Variants in CCDC61 observed in about 807,000 individuals in gnomAD.
The protein encoded by CCDC61 is centrosomal protein CCDC61.
Under a neutral mutation model 63.0 loss-of-function variants are expected in CCDC61, and 55 were observed. The ratio of observed to expected loss-of-function variants is 0.87; its 90% CI spans 0.70 to 1.09. CCDC61 has a LOEUF of 1.09. Among genes scored for constraint, CCDC61 ranks in the 50% least tolerant of loss-of-function variants. CCDC61 has a pLI of 0.00. For missense variants in CCDC61, 651 were observed against 731.4 expected (o/e 0.89, Z 1.27); for synonymous variants, 270 against 317.0 (o/e 0.85, Z 1.58).
chr19:46,005,129 G>C (rs1317991045), intron 3 of CCDC61, among the ~76,000 whole-genome samples: 8 of 152,054 alleles, frequency 5.3e-5, no homozygotes, highest in South Asian at 2.1e-4. Flanking sequence ...TCCTATTTCA[G>C]CCTCCCGAGT....
At chr19:46,001,807 T>C (rs1307050477) in intron 1 of CCDC61, among the ~76,000 whole-genome samples, 1 of 152,236 alleles carries the variant, frequency 6.6e-6, no homozygotes, top group Non-Finnish European at 1.5e-5. Context: ...GTTTTGGGAC[T>C]ATTCATTTAT....
chr19:46,000,797 C>T (rs1362156546), intron 1 of CCDC61, among the ~76,000 whole-genome samples: 1 of 150,230 alleles, frequency 6.7e-6, no homozygotes, highest in African/African-American at 2.5e-5. Flanking sequence ...TATTCGGTGG[C>T]TCAGTGTCTG....
intron 5 of CCDC61, among the ~76,000 whole-genome samples, chr19:46,014,390 C>CT (rs1968884772): frequency 6.6e-6 from 1 of 152,324 alleles, no homozygotes; most frequent in Non-Finnish European, 1.5e-5. Context: ...TCTGAACATA[C>CT]TGTCTGCACC....
At chr19:46,010,787 C>A (rs1290072839) in intron 5 of CCDC61, among the ~76,000 whole-genome samples, 1 of 152,218 alleles carries the variant, frequency 6.6e-6, no homozygotes, top group Non-Finnish European at 1.5e-5. Context: ...ACTGCCACCC[C>A]CTGCCCTGTA....
intron 1 of CCDC61, among the ~76,000 whole-genome samples, chr19:46,002,083 A>G (rs1389325069): frequency 1.3e-5 from 2 of 152,198 alleles, no homozygotes; most frequent in East Asian, 3.9e-4. Flanking sequence ...AGCTGGGATT[A>G]CAGGCACGGG....
At chr19:46,012,837 TTGC>T (rs1968854039) in intron 5 of CCDC61, among the ~76,000 whole-genome samples, 1 of 148,838 alleles carries the variant, frequency 6.7e-6, no homozygotes. Flanking sequence ...GTATCTCTTT[TTGC>T]ACTTAATTTA....
chr19:45,999,994 C>G (rs984478949), intron 1 of CCDC61: 1 of 983,522 alleles, frequency 1.0e-6, no homozygotes, highest in East Asian at 1.1e-4. Flanking sequence ...AGGCTCAGGA[C>G]TGGAATGAAA....
At position 46,016,781 on chromosome 19, in the gene CCDC61, C is replaced by A; in HGVS notation, c.1179C>A (p.Ala393=). 1 of 1,553,062 alleles carries A rather than the reference C, an allele frequency of 6.4e-7. No individual in the cohort carries two copies. Among genetic ancestry groups the A allele is most frequent in the East Asian group, 2.4e-5 (1 of 41,992 alleles). ...CTCGCCAGACCCAGCCCCCTGCTGC[C>A]TTGACTGGCCGAGGGGACGCCCCTA... is the stretch of plus-strand genomic sequence containing the variant. ...SWSRQTQPPA[A]LTGRGDAPNR... The change falls in exon 10 of 14, where the codon GCC becomes GCA. Residue 393 remains alanine (A), a synonymous_variant. Transcript: ENST00000595358. The surrounding 1 kb of genome is among the most constrained non-coding windows in gnomAD (Gnocchi z 7.2).
At chr19:46,009,814 GTA>G (rs1426508353) in intron 5 of CCDC61, among the ~76,000 whole-genome samples, 5 of 80,008 alleles carry the variant, frequency 6.2e-5, no homozygotes, top group Admixed American at 4.1e-4. Context: ...GTGTGTGTGT[GTA>G]TGTGTGTGTG....
At chr19:46,003,971 C>T (rs1476172212) in intron 3 of CCDC61, among the ~76,000 whole-genome samples, 1 of 151,878 alleles carries the variant, frequency 6.6e-6, no homozygotes, top group Non-Finnish European at 1.5e-5. Context: ...TGGAGTCTCG[C>T]TCTGTCGCCC....
intron 3 of CCDC61, among the ~76,000 whole-genome samples, chr19:46,004,189 C>T (rs559145184): frequency 6.6e-4 from 101 of 152,224 alleles, no homozygotes; most frequent in Middle Eastern, 6.8e-3. Context: ...ATCCACCCGC[C>T]TCTGCCTCCC....
At chr19:46,004,556 C>CT (rs1396490857) in intron 3 of CCDC61, among the ~76,000 whole-genome samples, 2 of 152,114 alleles carry the variant, frequency 1.3e-5, no homozygotes, top group African/African-American at 4.8e-5. Context: ...TCTCTGCCTC[C>CT]TGGGTTCAAG....
rs1406620131 is a variant in CCDC61, at chr19:46,015,433, A to G, written c.845+6A>G. On this transcript the variant is annotated splice_donor_region_variant and intron_variant, in intron 7 of 13. Coordinates refer to ENST00000595358, the MANE Select transcript of CCDC61 (RefSeq NM_001267723.2). The surrounding 1 kb of genome is among the most constrained non-coding windows in gnomAD (Gnocchi z 5.3). ...CTGGCATTGTACAAGAGGGGGTGAG[A>G]GCGAGGCCTGCCAGGCGCCTGGGCG... 4 of 1,579,018 alleles carry G rather than the reference A, an allele frequency of 2.5e-6. No individual in the cohort carries two copies. Among genetic ancestry groups the G allele is most frequent in the South Asian group, 1.1e-5 (1 of 89,980 alleles).
Position 46,016,774 on chromosome 19 carries a change from C to T in CCDC61, c.1172C>T (p.Pro391Leu), listed in dbSNP as rs1400795724. The T allele has an allele frequency of 7.0e-6, 11 of 1,562,160 alleles. No homozygotes were observed. Among genetic ancestry groups the T allele is most frequent in the African/African-American group, 4.1e-5 (3 of 73,632 alleles). ...SVSWSRQTQP[P>L]AALTGRGDAP... ...TCCTGGTCTCGCCAGACCCAGCCCC[C>T]TGCTGCCTTGACTGGCCGAGGGGAC... Residue 391 changes from proline to leucine, a missense_variant, in exon 10 of 14, where the codon CCT becomes CTT. Pro to Leu is a moderately conservative substitution (Grantham distance 98). Transcript: ENST00000595358. This position sits in a 1 kb window ranked among gnomAD's most constrained non-coding sequence, Gnocchi z 7.2.
intron 3 of CCDC61, 79 bp from the exon 4 acceptor site, chr19:46,006,480 G>A: frequency 2.9e-6 from 4 of 1,357,750 alleles, no homozygotes; most frequent in South Asian, 1.6e-5. Flanking sequence ...GGGAAGGGCT[G>A]TGGCCCAGGT....
rs1968930372 is a variant in CCDC61, at chr19:46,016,204, C to CCCCTCG, written c.1006_1011dup (p.Ser336_Pro337dup). The CCCCTCG allele has an allele frequency of 3.5e-6, 5 of 1,422,258 alleles. No homozygotes were observed. Among genetic ancestry groups the CCCCTCG allele is most frequent in the Admixed American group, 3.1e-5 (1 of 32,350 alleles). The allele number at this position is 1,422,258 out of a possible 1,614,324, so 88.1% of individuals were successfully genotyped here. A position where few individuals can be genotyped will look rare whatever the true frequency, so the allele number is the denominator to read the frequency against. On this transcript the variant is annotated inframe_insertion, in exon 8 of 14. Transcript: ENST00000595358. This position sits in a 1 kb window ranked among gnomAD's most constrained non-coding sequence, Gnocchi z 7.2. ...GCCGGGGTCGGGGCCGCCCTGCGCGCCCCTCGCCCTCGCCCACAGGTCTGT... is the reference window on the plus strand; with the variant it reads ...GCCGGGGTCGGGGCCGCCCTGCGCGCCCCTCGCCCTCGCCCTCGCCCACAGGTCTGT...
At chr19:46,017,442 C>G in intron 12 of CCDC61, 138 bp downstream of exon 12, 1 of 787,522 alleles carries the variant, frequency 1.3e-6, no homozygotes, top group Non-Finnish European at 2.0e-6. Context: ...CTCGCTCTTT[C>G]AGGCTGGGGT....
chr19:46,013,810 G>A (rs1382488276), intron 5 of CCDC61, among the ~76,000 whole-genome samples: 1 of 151,484 alleles, frequency 6.6e-6, no homozygotes, highest in Non-Finnish European at 1.5e-5. Context: ...AGGTTGCAGT[G>A]AGCCAAGATC....
chr19:46,012,851 A>ATTT lies in CCDC61; in HGVS notation c.552-2184_552-2182dup, dbSNP rs369632790. Reference sequence around the variant, plus strand: ...TGTATCTCTTTTTGCACTTAATTTAATTTTTTTTTTTTTTTTAAGAGACAG... The same window carrying ATTT: ...TGTATCTCTTTTTGCACTTAATTTAATTTTTTTTTTTTTTTTTTTAAGAGACAG... On this transcript the variant is annotated intron_variant, in intron 5 of 13. Coordinates refer to ENST00000595358, the MANE Select transcript of CCDC61 (RefSeq NM_001267723.2). Among the ~76,000 whole-genome samples, 710 of 142,458 alleles carry ATTT rather than the reference A, an allele frequency of 5.0e-3. 8 individuals carry two copies. The highest frequency in any genetic ancestry group is 0.017 in the African/African-American group (639 of 38,514). The allele number at this position is 142,458 out of a possible 152,430, so 93.5% of individuals were successfully genotyped here. A position where few individuals can be genotyped will look rare whatever the true frequency, so the allele number is the denominator to read the frequency against.
Sources: allele counts gnomAD v4.1 joint callset (sites outside exome capture counted in the v4.1 genomes callset), GRCh38; gene constraint gnomAD v4.1.1; non-coding constraint Gnocchi (gnomAD v3.1); transcripts MANE v1.5; gene names NCBI Gene and HGNC (gene_info 2026-07-23, HGNC 2026-07-21).